The following IPO9 variants were observed in gnomAD, a reference collection of about 807,000 sequenced individuals.
IPO9 encodes the protein importin 9, also known as importin-9.
IPO9 carries 28 observed loss-of-function variants against 128.6 expected under a neutral mutation model. The ratio of observed to expected loss-of-function variants is 0.22; its 90% CI spans 0.16 to 0.30. IPO9 has a LOEUF of 0.30. Ranked by LOEUF, IPO9 falls within the 10% of genes least tolerant of loss-of-function variation. IPO9 has a pLI of 1.00. For synonymous variants in IPO9, 455 were observed against 475.8 expected, an observed-to-expected ratio of 0.96 and a Z score of 0.57; for missense variants, 935 against 1,293.9, an observed-to-expected ratio of 0.72 and a Z score of 4.26.
At chr1:201,848,320 T>C in intron 3 of IPO9, 73 bp from the exon 4 acceptor site, 1 of 1,283,932 alleles carries the variant, frequency 7.8e-7, no homozygotes, top group East Asian at 2.3e-5. Flanking sequence ...TCCAACACAG[T>C]TCCCAATTGA....
At chr1:201,853,422 A>G (rs1315269254) in intron 6 of IPO9, among the ~76,000 whole-genome samples, 1 of 152,006 alleles carries the variant, frequency 6.6e-6, no homozygotes, top group Non-Finnish European at 1.5e-5. Context: ...TTGTAGAGAT[A>G]GGGTCTCACT....
intron 1 of IPO9, among the ~76,000 whole-genome samples, chr1:201,841,399 G>C (rs1680033245): frequency 6.6e-6 from 1 of 152,180 alleles, no homozygotes; most frequent in South Asian, 2.1e-4. Context: ...AGAGAAAGAA[G>C]TTACAAATAA....
At chr1:201,871,843 G>A (rs1211079027) in intron 19 of IPO9, among the ~76,000 whole-genome samples, 2 of 152,158 alleles carry the variant, frequency 1.3e-5, no homozygotes, top group African/African-American at 2.4e-5. Flanking sequence ...AGTCAACACA[G>A]GTAGACTATA....
intron 4 of IPO9, among the ~76,000 whole-genome samples, chr1:201,849,280 T>G (rs576794719): frequency 6.6e-6 from 1 of 152,310 alleles, no homozygotes; most frequent in African/African-American, 2.4e-5. Flanking sequence ...TAAACCTGAT[T>G]AAGCTATCAA....
chr1:201,843,398 A>G (rs868285440), intron 1 of IPO9, among the ~76,000 whole-genome samples: 5 of 152,256 alleles, frequency 3.3e-5, no homozygotes, highest in South Asian at 4.1e-4. Flanking sequence ...GGGGAAAAAA[A>G]AAGAAAAGGA....
Position 201,836,112 on chromosome 1 carries a change from T to C in IPO9, c.163+6740T>C, listed in dbSNP as rs1448503775. Among the ~76,000 whole-genome samples the C allele has an allele frequency of 1.4e-4, 9 of 65,472 alleles. 1 individual carries two copies. The highest frequency in any genetic ancestry group is 5.1e-4 in the East Asian group (1 of 1,962). The allele number at this position is 65,472 out of a possible 152,430, so 43.0% of individuals were successfully genotyped here. A position where few individuals can be genotyped will look rare whatever the true frequency, so the allele number is the denominator to read the frequency against. On this transcript the variant is annotated intron_variant, in intron 1 of 23. Transcript: ENST00000361565. Reference sequence around the variant, plus strand: ...TCCAGCCTGGGTGACAGAGCAAGACTCCATCTCAAAAAAAAAAAAAAAAAA... The same window carrying C: ...TCCAGCCTGGGTGACAGAGCAAGACCCCATCTCAAAAAAAAAAAAAAAAAA...
rs569169556 is a variant in IPO9 at position 201,842,812 on chromosome 1, C to T, written c.164-4467C>T. 1.9e-4 allele frequency among the ~76,000 whole-genome samples: 29 copies of T among 152,248 alleles called. No individual in the cohort carries two copies. The South Asian group carries it at 2.1e-3, about 11-fold the overall frequency. ...TGAGGCTGCTCAGATTGGCAGGCTTCCTTTCATTCTTGTGAGGTTGCAAAA... is the reference window on the plus strand; with the variant it reads ...TGAGGCTGCTCAGATTGGCAGGCTTTCTTTCATTCTTGTGAGGTTGCAAAA... On this transcript the variant is annotated intron_variant, in intron 1 of 23. Coordinates refer to ENST00000361565, the MANE Select transcript of IPO9 (RefSeq NM_018085.5).
At chr1:201,874,515 G>A in intron 21 of IPO9, 143 bp downstream of exon 21, 1 of 930,868 alleles carries the variant, frequency 1.1e-6, no homozygotes, top group Non-Finnish European at 1.6e-6. Context: ...ACCATGCTAG[G>A]CACTAGGCAT....
At chr1:201,858,026 C>T (rs1680366727) in intron 11 of IPO9, among the ~76,000 whole-genome samples, 1 of 152,160 alleles carries the variant, frequency 6.6e-6, no homozygotes, top group Non-Finnish European at 1.5e-5. Flanking sequence ...GATTTGTTCT[C>T]TGTTGATGAA....
intron 14 of IPO9, among the ~76,000 whole-genome samples, chr1:201,864,250 G>A (rs189217665): frequency 9.9e-5 from 15 of 152,230 alleles, no homozygotes; most frequent in South Asian, 2.1e-4. Context: ...TTGAGATGCC[G>A]TGTGTTATAT....
chr1:201,829,588 G>T, intron 1 of IPO9: 1 of 263,350 alleles, frequency 3.8e-6, no homozygotes, highest in Non-Finnish European at 7.3e-6. Flanking sequence ...TGGAGCCTGG[G>T]AGTGGGGGAG....
rs992842350 is a variant in IPO9 at position 201,883,178 on chromosome 1, C to G, written c.*7124C>G. The stretch of plus-strand genomic sequence containing the variant: ...AATTTGCTTTCACTAGATTCCCCCC[C>G]CCCCAACAACTTAGTCCAAGAACAT... On this transcript the variant is annotated 3_prime_UTR_variant, in exon 24 of 24. Coordinates refer to ENST00000361565, the MANE Select transcript of IPO9 (RefSeq NM_018085.5). 3.4e-5 allele frequency: 5 copies of G among 148,808 alleles called. No homozygotes were observed. Among genetic ancestry groups the G allele is most frequent in the Non-Finnish European group, 7.5e-5 (5 of 66,956 alleles). 9.2% of individuals were successfully genotyped at this position (148,808 alleles called of 1,614,324 possible).
chr1:201,875,338 C>T, intron 23 of IPO9, 110 bp downstream of exon 23: 1 of 996,876 alleles, frequency 1.0e-6, no homozygotes, highest in Non-Finnish European at 1.6e-6. Flanking sequence ...GCCTGTAATC[C>T]CAACACTTTG....
intron 6 of IPO9, among the ~76,000 whole-genome samples, chr1:201,854,166 C>T (rs1325353680): frequency 6.6e-6 from 1 of 152,234 alleles, no homozygotes; most frequent in Non-Finnish European, 1.5e-5. Context: ...AGCCACCACA[C>T]CTGGCCTGAT....
intron 1 of IPO9, among the ~76,000 whole-genome samples, chr1:201,838,411 T>C (rs1266810354): frequency 6.6e-6 from 1 of 152,258 alleles, no homozygotes; most frequent in Non-Finnish European, 1.5e-5. Context: ...GACTCATCTG[T>C]GTTTTAGAAT....
At chr1:201,868,979 G>A (rs2820310) in intron 16 of IPO9, among the ~76,000 whole-genome samples, 183 bp downstream of exon 16, 41,674 of 152,104 alleles carry the variant, frequency 0.27, 5,978 homozygotes, top group Non-Finnish European at 0.33. Context: ...TTGGCTTGGC[G>A]CGGTGGCTCA....
chr1:201,856,044 G>T, intron 10 of IPO9, 110 bp downstream of exon 10: 4 of 774,546 alleles, frequency 5.2e-6, no homozygotes, highest in Non-Finnish European at 7.6e-6. Context: ...GACACAAAAA[G>T]AATAATTTCA....
At chr1:201,872,784 G>A (rs1324049253) in intron 19 of IPO9, 44 bp from the exon 20 acceptor site, 19 of 1,581,580 alleles carry the variant, frequency 1.2e-5, no homozygotes, top group Non-Finnish European at 1.5e-5. Context: ...GAGTGAACTC[G>A]AGATGGGCGG....
rs1447778543 is a variant in IPO9 at position 201,881,822 on chromosome 1, A to G, written c.*5768A>G. ...CAGCTACAGCAGTCCAGGTGGGAAAACCCAGAGCCTGAACTAAGGTTGTAA... is the reference window on the plus strand; with the variant it reads ...CAGCTACAGCAGTCCAGGTGGGAAAGCCCAGAGCCTGAACTAAGGTTGTAA... On this transcript the variant is annotated 3_prime_UTR_variant, in exon 24 of 24. Coordinates refer to ENST00000361565, the MANE Select transcript of IPO9 (RefSeq NM_018085.5). 6.6e-6 allele frequency: 1 copy of G among 152,202 alleles called. No homozygotes were observed. The highest frequency in any genetic ancestry group is 2.1e-4 in the South Asian group (1 of 4,832). 9.4% of individuals were successfully genotyped at this position (152,202 alleles called of 1,614,324 possible).
Sources: allele counts gnomAD v4.1 joint callset (sites outside exome capture counted in the v4.1 genomes callset), GRCh38; gene constraint gnomAD v4.1.1; transcripts MANE v1.5; gene names NCBI Gene and HGNC (gene_info 2026-07-23, HGNC 2026-07-21).